SAP130: variants seen among roughly 807,000 people sequenced by gnomAD.
SAP130 encodes histone deacetylase complex subunit SAP130.
A neutral mutation model predicts 103.2 loss-of-function variants in SAP130; 16 were observed. The observed-to-expected ratio is 0.16, with a 90% CI of 0.10 to 0.24. The LOEUF is 0.24. Among genes scored for constraint, SAP130 ranks in the 10% least tolerant of loss-of-function variants. The probability of loss-of-function intolerance (pLI) is 1.00; values close to 1 mark genes in which losing one functional copy is unlikely to be tolerated. For synonymous variants in SAP130, 477 were observed against 497.0 expected (o/e 0.96, Z 0.53); for missense variants, 990 against 1,359.7 (o/e 0.73, Z 4.28).
chr2:128,026,119 G>T, intron 2 of SAP130, 62 bp downstream of exon 2: 1 of 1,130,998 alleles, frequency 8.8e-7, no homozygotes. Flanking sequence ...TAATTTTTAA[G>T]TTAGAAAACT....
intron 15 of SAP130, among the ~76,000 whole-genome samples, chr2:127,962,549 T>C (rs1680331278): frequency 1.3e-5 from 2 of 152,126 alleles, no homozygotes; most frequent in South Asian, 2.1e-4. Context: ...TATGCAGCCA[T>C]AAAAAATGAT....
intron 19 of SAP130, among the ~76,000 whole-genome samples, chr2:127,944,901 C>CAAAAAA (rs1188253573): frequency 2.8e-4 from 22 of 77,504 alleles, no homozygotes; most frequent in African/African-American, 4.1e-4. Context: ...GACCTTGTCT[C>CAAAAAA]AAAAAAAAAA....
At chr2:127,948,051 A>G (rs1163285733) in intron 18 of SAP130, among the ~76,000 whole-genome samples, 2 of 152,130 alleles carry the variant, frequency 1.3e-5, no homozygotes, top group East Asian at 3.9e-4. Context: ...TGGCCTCCCA[A>G]AGTGCTGGGA....
At chr2:127,951,521 C>CA (rs1679493024) in intron 16 of SAP130, among the ~76,000 whole-genome samples, 1 of 152,142 alleles carries the variant, frequency 6.6e-6, no homozygotes, top group South Asian at 2.1e-4. Flanking sequence ...CTTAGGCCTA[C>CA]AAGGAACCTG....
intron 5 of SAP130, among the ~76,000 whole-genome samples, chr2:128,013,625 T>A (rs1684556505): frequency 1.3e-5 from 2 of 152,234 alleles, no homozygotes; most frequent in African/African-American, 4.8e-5. Context: ...TGCTGAGTTA[T>A]GCTATAACCA....
chr2:127,991,523 TAG>T (rs1221798832), intron 12 of SAP130, among the ~76,000 whole-genome samples: 6 of 152,110 alleles, frequency 3.9e-5, no homozygotes, highest in Admixed American at 1.3e-4. Flanking sequence ...GTATTTTTGG[TAG>T]AGACTAGGTC....
At chr2:127,985,346 G>A (rs1682299062) in intron 14 of SAP130, among the ~76,000 whole-genome samples, 1 of 152,142 alleles carries the variant, frequency 6.6e-6, no homozygotes, top group African/African-American at 2.4e-5. Context: ...GCACAGCTCT[G>A]TGCAAATAAA....
chr2:127,955,640 C>T lies in SAP130; in HGVS notation c.2064-296G>A, dbSNP rs932850108. On this transcript the variant is annotated intron_variant, in intron 15 of 20. Coordinates refer to ENST00000643581, the MANE Select transcript of SAP130 (RefSeq NM_001330301.2). The surrounding 1 kb of genome is among the most constrained non-coding windows in gnomAD (Gnocchi z 4.9). Reference sequence around the variant, plus strand: ...TAGCTGAGACTACAGGTGTGTGCCACCATGCCAGGCTAATTTTTGTATTTT... The same window carrying T: ...TAGCTGAGACTACAGGTGTGTGCCATCATGCCAGGCTAATTTTTGTATTTT... 6.6e-6 allele frequency among the ~76,000 whole-genome samples: 1 copy of T among 152,110 alleles called. No homozygotes were observed. Among genetic ancestry groups the T allele is most frequent in the African/African-American group, 2.4e-5 (1 of 41,422 alleles).
At chr2:128,012,959 G>A in intron 6 of SAP130, 71 bp downstream of exon 6, 1 of 1,432,806 alleles carries the variant, frequency 7.0e-7, no homozygotes, top group Non-Finnish European at 9.3e-7. Flanking sequence ...CTGAGGTCAA[G>A]GATGTGCCTA....
At chr2:128,011,939 G>T (rs1684425984) in intron 6 of SAP130, among the ~76,000 whole-genome samples, 1 of 152,000 alleles carries the variant, frequency 6.6e-6, no homozygotes, top group Non-Finnish European at 1.5e-5. Flanking sequence ...CAGCCTCCCA[G>T]GTAGCTGGGA....
At chr2:127,994,912 A>C (rs1683066040) in intron 11 of SAP130, among the ~76,000 whole-genome samples, 1 of 152,244 alleles carries the variant, frequency 6.6e-6, no homozygotes, top group Non-Finnish European at 1.5e-5. Context: ...AGAATCTATA[A>C]ACATTTAGAG....
At chr2:128,027,769 G>A (rs1235649949) in intron 1 of SAP130, among the ~76,000 whole-genome samples, 171 bp downstream of exon 1, 1 of 151,838 alleles carries the variant, frequency 6.6e-6, no homozygotes, top group African/African-American at 2.4e-5. Flanking sequence ...CCCTGTCGCC[G>A]GCCCAACCGC....
chr2:127,947,395 T>C (rs1376082216), intron 18 of SAP130, among the ~76,000 whole-genome samples: 1 of 152,250 alleles, frequency 6.6e-6, no homozygotes, highest in East Asian at 1.9e-4. Flanking sequence ...GAAAAAATTC[T>C]ACTTGGTCAA....
intron 2 of SAP130, 94 bp from the exon 3 acceptor site, chr2:128,018,009 GA>G: frequency 9.9e-7 from 1 of 1,010,782 alleles, no homozygotes; most frequent in Non-Finnish European, 1.4e-6. Flanking sequence ...TAAATCTCAG[GA>G]TTGACAAAGT....
chr2:127,995,976 G>T (rs1258991318), intron 11 of SAP130, among the ~76,000 whole-genome samples: 1 of 152,110 alleles, frequency 6.6e-6, no homozygotes, highest in East Asian at 1.9e-4. Context: ...GAAAGAGAAG[G>T]GAGAGCTCGG....
At chr2:127,974,700 C>A (rs947419232) in intron 15 of SAP130, among the ~76,000 whole-genome samples, 1 of 152,172 alleles carries the variant, frequency 6.6e-6, no homozygotes, top group African/African-American at 2.4e-5. Flanking sequence ...GTAATCCCAG[C>A]TACTCGGGAG....
Position 128,027,936 on chromosome 2 carries a change from T to C in SAP130, c.-7+4A>G. The C allele has an allele frequency of 2.0e-6, 2 of 984,340 alleles. No homozygotes were observed. Among genetic ancestry groups the C allele is most frequent in the Non-Finnish European group, 2.4e-6 (2 of 829,536 alleles). The allele number at this position is 984,340 out of a possible 1,614,324, so 61.0% of individuals were successfully genotyped here. On this transcript the variant is annotated splice_donor_region_variant and intron_variant, in intron 1 of 20. Transcript: ENST00000643581. The stretch of plus-strand genomic sequence containing the variant: ...TCCCTCCCGGGCGCCCGTCCCGCCA[T>C]TACCTGGGTGCTGCGCCCAGTGGCC...
At position 127,970,280 on chromosome 2, in the gene SAP130, T is replaced by C. The variant is rs564639793; in HGVS notation, c.2063+7705A>G. 6.6e-5 allele frequency among the ~76,000 whole-genome samples: 9 copies of C among 136,814 alleles called. No individual in the cohort carries two copies. The South Asian group carries it at 1.8e-3, about 28-fold the overall frequency. The allele number at this position is 136,814 out of a possible 152,430, so 89.8% of individuals were successfully genotyped here. On this transcript the variant is annotated intron_variant, in intron 15 of 20. Transcript: ENST00000643581. ...GGCATGGGCCAGGTACAGTGGCTCA[T>C]GCCTGTAATCCCAGCACTTTGGGAG...
intron 19 of SAP130, among the ~76,000 whole-genome samples, chr2:127,945,093 G>A (rs1233607921): frequency 6.6e-6 from 1 of 152,076 alleles, no homozygotes; most frequent in East Asian, 1.9e-4. Flanking sequence ...ATGAAGGGTT[G>A]TTTGCCTAGG....
Sources: gnomAD v4.1 joint callset for allele counts (sites outside exome capture counted in the v4.1 genomes callset) on GRCh38, gnomAD v4.1.1 for gene constraint, Gnocchi (gnomAD v3.1) non-coding constraint, MANE v1.5 for transcripts, NCBI Gene and HGNC (gene_info 2026-07-23, HGNC 2026-07-21) for gene names.